The following CHRM3 variants were observed in gnomAD, a reference collection of about 807,000 sequenced individuals.
CHRM3 encodes cholinergic receptor muscarinic 3, also known as muscarinic acetylcholine receptor M3.
A neutral mutation model predicts 41.8 loss-of-function variants in CHRM3; 11 were observed. The observed-to-expected ratio is 0.26, with a 90% confidence interval of 0.17 to 0.44. The LOEUF is 0.44. Among genes scored for constraint, CHRM3 ranks in the 20% least tolerant of loss-of-function variants. The pLI is 1.00. For missense variants in CHRM3, 571 were observed against 745.4 expected (o/e 0.77, Z 2.72); for synonymous variants, 297 against 301.4 (o/e 0.99, Z 0.15).
intron 3 of CHRM3, among the ~76,000 whole-genome samples, chr1:239,618,010 C>G (rs74651079): frequency 0.054 from 8,177 of 152,206 alleles, 305 homozygotes; most frequent in Non-Finnish European, 0.081. Context: ...CATCAGTCTT[C>G]TCTGCCTGCC....
At chr1:239,613,135 C>T (rs933203315) in intron 3 of CHRM3, among the ~76,000 whole-genome samples, 4 of 152,172 alleles carry the variant, frequency 2.6e-5, no homozygotes, top group Non-Finnish European at 5.9e-5. Flanking sequence ...TTCCATATGG[C>T]TCTCCCAGCA....
chr1:239,862,532 A>G (rs1200686906), intron 6 of CHRM3, among the ~76,000 whole-genome samples: 1 of 152,244 alleles, frequency 6.6e-6, no homozygotes, highest in Non-Finnish European at 1.5e-5. Context: ...AACATGAAAA[A>G]AAAAGATTGA....
intron 1 of CHRM3, among the ~76,000 whole-genome samples, chr1:239,469,049 G>A (rs553504759): frequency 2.3e-4 from 35 of 152,130 alleles, no homozygotes; most frequent in Non-Finnish European, 1.2e-4. Flanking sequence ...GGCAAGTGAA[G>A]AAGAATATAA....
intron 1 of CHRM3, among the ~76,000 whole-genome samples, chr1:239,427,551 C>G (rs182360194): frequency 2.2e-4 from 33 of 151,956 alleles, no homozygotes; most frequent in African/African-American, 7.0e-4. Context: ...TTTTCTTCCC[C>G]CAGTTGGCCA....
chr1:239,848,405 A>G (rs12139800), intron 6 of CHRM3, among the ~76,000 whole-genome samples: 43,052 of 152,116 alleles, frequency 0.28, 7,119 homozygotes, highest in East Asian at 0.37. Context: ...CCAAACATCC[A>G]GTTAGGAAAA....
chr1:239,638,005 G>T (rs541065481), intron 4 of CHRM3, among the ~76,000 whole-genome samples: 1 of 146,300 alleles, frequency 6.8e-6, no homozygotes, highest in African/African-American at 2.5e-5. Context: ...GAGTGAGAAC[G>T]TGCAGTGTTT....
rs370701895 is a variant in CHRM3 at position 239,531,308 on chromosome 1, A to G, written c.-421-14333A>G. Among the ~76,000 whole-genome samples the G allele has an allele frequency of 2.6e-4, 39 of 152,320 alleles. 1 individual carries two copies. The Middle Eastern group carries it at 0.014, about 54-fold the overall frequency. On this transcript the variant is annotated intron_variant, in intron 2 of 6. Coordinates refer to ENST00000676153, the MANE Select transcript of CHRM3 (RefSeq NM_001375978.1). ...GTGATATTAGCATAAAGATGGATAC[A>G]TAGATCAATAGAACATAATTGAGAG...
At chr1:239,872,649 G>C (rs151088846) in intron 6 of CHRM3, among the ~76,000 whole-genome samples, 1 of 152,104 alleles carries the variant, frequency 6.6e-6, no homozygotes, top group African/African-American at 2.4e-5. Flanking sequence ...AACAAAATAA[G>C]GGTAAACATT....
At chr1:239,458,692 T>C (rs1309128668) in intron 1 of CHRM3, among the ~76,000 whole-genome samples, 1 of 152,190 alleles carries the variant, frequency 6.6e-6, no homozygotes, top group Non-Finnish European at 1.5e-5. Flanking sequence ...TGAAGGAACC[T>C]TCAAACTTCA....
At chr1:239,521,761 G>A (rs12142001) in intron 2 of CHRM3, among the ~76,000 whole-genome samples, 23,644 of 151,842 alleles carry the variant, frequency 0.16, 2,327 homozygotes, top group Non-Finnish European at 0.2. Context: ...AAAAAAAACC[G>A]CAACAAAATA....
At chr1:239,759,972 T>G (rs1458614120) in intron 5 of CHRM3, among the ~76,000 whole-genome samples, 1 of 152,156 alleles carries the variant, frequency 6.6e-6, no homozygotes, top group Non-Finnish European at 1.5e-5. Context: ...TGGAGTGCAG[T>G]GGCGCGATCT....
At chr1:239,805,129 C>A (rs905123280) in intron 5 of CHRM3, among the ~76,000 whole-genome samples, 22 of 152,122 alleles carry the variant, frequency 1.4e-4, no homozygotes, top group Non-Finnish European at 3.1e-4. Context: ...ACTGGGATAC[C>A]TATTTCACAC....
At chr1:239,674,840 A>T (rs969768976) in intron 4 of CHRM3, among the ~76,000 whole-genome samples, 14 of 152,130 alleles carry the variant, frequency 9.2e-5, no homozygotes, top group African/African-American at 3.1e-4. Flanking sequence ...TCAATGGTAA[A>T]TTGGCAACAA....
chr1:239,837,273 C>T (rs1029834548), intron 6 of CHRM3, among the ~76,000 whole-genome samples: 15 of 152,296 alleles, frequency 9.8e-5, no homozygotes, highest in African/African-American at 2.9e-4. Context: ...ACATCTGACA[C>T]ATCCTTAATG....
At position 239,570,890 on chromosome 1, in the gene CHRM3, GC is replaced by G. The variant is rs1572744798; in HGVS notation, c.-313+25142del. ...TCCCCTCCCATCTAGAAAATCACTG[GC>G]AAACAAAAACAGCGAGAAGTAAACA... On this transcript the variant is annotated intron_variant, in intron 3 of 6. Transcript: ENST00000676153. Among the ~76,000 whole-genome samples the G allele has an allele frequency of 3.3e-5, 5 of 151,966 alleles. No individual in the cohort carries two copies. In the East Asian group the frequency reaches 9.6e-4, roughly 29 times the overall value.
In CHRM3 at chr1:239,670,771, A is replaced by ACCCC. The variant is rs3063600; in HGVS notation, c.-249-7410_-249-7407dup. Among the ~76,000 whole-genome samples the ACCCC allele has an allele frequency of 4.6e-3, 698 of 150,342 alleles. 6 individuals carry two copies. Among genetic ancestry groups the ACCCC allele is most frequent in the African/African-American group, 0.016 (662 of 40,652 alleles). ...TCGAACTCCCAACCTCAGGTGATCT[A>ACCCC]CCCCCCCCACCTCAGTTTCCCAAAG... On this transcript the variant is annotated intron_variant, in intron 4 of 6. Transcript: ENST00000676153.
At chr1:239,557,149 A>G (rs1265818901) in intron 3 of CHRM3, among the ~76,000 whole-genome samples, 2 of 152,026 alleles carry the variant, frequency 1.3e-5, no homozygotes, top group Non-Finnish European at 2.9e-5. Flanking sequence ...GAAGTTGATC[A>G]AGGCAACGTG....
chr1:239,851,161 T>A (rs1426945846), intron 6 of CHRM3, among the ~76,000 whole-genome samples: 2 of 152,082 alleles, frequency 1.3e-5, no homozygotes, highest in African/African-American at 2.4e-5. Context: ...AAATGAAAAA[T>A]TATGCTTCAT....
At chr1:239,621,873 C>G (rs1553342330) in intron 3 of CHRM3, among the ~76,000 whole-genome samples, 5 of 145,380 alleles carry the variant, frequency 3.4e-5, no homozygotes, top group Non-Finnish European at 7.7e-5. Flanking sequence ...GACCAGCCTT[C>G]TGCTGGAAGA....
Sources: gnomAD v4.1 joint callset for allele counts (sites outside exome capture counted in the v4.1 genomes callset) on GRCh38, gnomAD v4.1.1 for gene constraint, MANE v1.5 for transcripts, NCBI Gene and HGNC (gene_info 2026-07-23, HGNC 2026-07-21) for gene names.